The following COL22A1 variants were observed in gnomAD, a reference collection of about 807,000 sequenced individuals.
The protein encoded by COL22A1 is collagen type XXII alpha 1 chain.
A neutral mutation model predicts 248.9 loss-of-function variants in COL22A1; 221 were observed. That is an observed-to-expected ratio of 0.89 (90% confidence interval 0.80 to 0.99). The LOEUF is 0.99. Among genes scored for constraint, COL22A1 ranks in the 50% least tolerant of loss-of-function variants. The pLI is 0.00. For missense variants in COL22A1, 2,240 were observed against 2,179.0 expected, an observed-to-expected ratio of 1.03 and a Z score of -0.56; for synonymous variants, 891 against 793.4, an observed-to-expected ratio of 1.12 and a Z score of -2.07.
intron 41 of COL22A1, 100 bp downstream of exon 41, chr8:138,676,458 G>GAAGA (rs796948272): frequency 2.6e-5 from 4 of 155,662 alleles, no homozygotes; most frequent in African/African-American, 1.8e-4. Context: ...AGAAAGAAAG[G>GAAGA]AAGAAAGAAA....
In COL22A1 at chr8:138,851,958, T is replaced by C. The variant is rs371855642; in HGVS notation, c.659-7800A>G. On this transcript the variant is annotated intron_variant, in intron 3 of 64. Coordinates refer to ENST00000303045, the MANE Select transcript of COL22A1 (RefSeq NM_152888.3). ...TAGTAGGGAAGCTCTAAGGCAGGGA[T>C]GGAAGAGAGGACAGCATAGCAGGTG... is the stretch of plus-strand genomic sequence containing the variant. 3.3e-5 allele frequency among the ~76,000 whole-genome samples: 5 copies of C among 152,012 alleles called. No individual in the cohort carries two copies. In the South Asian group the frequency reaches 8.4e-4, roughly 25 times the overall value.
chr8:138,670,960 CAAAAAA>C (rs60845059), intron 41 of COL22A1, among the ~76,000 whole-genome samples: 3 of 55,378 alleles, frequency 5.4e-5, no homozygotes, highest in Admixed American at 2.8e-4. Flanking sequence ...GACCTTGTCT[CAAAAAA>C]AAAAAAAAAA....
At chr8:138,809,940 G>A (rs1818064330) in intron 9 of COL22A1, among the ~76,000 whole-genome samples, 1 of 152,056 alleles carries the variant, frequency 6.6e-6, no homozygotes, top group Non-Finnish European at 1.5e-5. Context: ...ATACAGACAT[G>A]GAAAGATCCA....
chr8:138,642,401 G>A (rs546656483), intron 47 of COL22A1, among the ~76,000 whole-genome samples: 12 of 152,264 alleles, frequency 7.9e-5, no homozygotes, highest in African/African-American at 2.6e-4. Context: ...TCTGCCCAAC[G>A]CAACTGCCTG....
At chr8:138,668,359 G>A (rs868354436) in intron 41 of COL22A1, among the ~76,000 whole-genome samples, 1 of 151,934 alleles carries the variant, frequency 6.6e-6, no homozygotes, top group Non-Finnish European at 1.5e-5. Context: ...CCTACTTTTA[G>A]TATATTTGAA....
intron 18 of COL22A1, 128 bp downstream of exon 18, chr8:138,760,115 C>T (rs1012553593): frequency 3.4e-6 from 2 of 590,746 alleles, no homozygotes; most frequent in Admixed American, 4.2e-5. Flanking sequence ...AGCCACCACC[C>T]TTTGTGTGTG....
chr8:138,775,063 G>T (rs1299413068), intron 16 of COL22A1, among the ~76,000 whole-genome samples: 5 of 152,198 alleles, frequency 3.3e-5, no homozygotes, highest in Non-Finnish European at 7.3e-5. Context: ...AATTAAGGTT[G>T]AAGAACAAGT....
intron 11 of COL22A1, among the ~76,000 whole-genome samples, chr8:138,799,437 G>A (rs1326243937): frequency 1.3e-5 from 2 of 152,070 alleles, no homozygotes; most frequent in Non-Finnish European, 2.9e-5. Context: ...TAGCAATCCT[G>A]GATATTGACA....
chr8:138,888,268 T>C (rs1824812355), intron 1 of COL22A1, among the ~76,000 whole-genome samples: 1 of 152,026 alleles, frequency 6.6e-6, no homozygotes, highest in South Asian at 2.1e-4. Flanking sequence ...TGAGTGCTGG[T>C]AGAAGGAAGC....
chr8:138,813,020 C>T lies in COL22A1; in HGVS notation c.1246-1G>A, dbSNP rs1194042996. The T allele has an allele frequency of 6.2e-7, 1 of 1,613,340 alleles. No homozygotes were observed. Among genetic ancestry groups the T allele is most frequent in the Non-Finnish European group, 8.5e-7 (1 of 1,179,392 alleles). ...AGATCACAATCCGCTGTAGGTCAAA[C>T]TGGAAAGGAAAGCAAGGAGAGAGGA... On this transcript the variant is annotated splice_acceptor_variant, in intron 7 of 64. Transcript: ENST00000303045. LOFTEE classifies it high-confidence loss of function.
intron 2 of COL22A1, among the ~76,000 whole-genome samples, chr8:138,882,210 A>G (rs1824262361): frequency 6.6e-6 from 1 of 152,054 alleles, no homozygotes; most frequent in Non-Finnish European, 1.5e-5. Flanking sequence ...GACGTGTTAA[A>G]GCAACTCATT....
chr8:138,654,589 C>T (rs1280692406), intron 45 of COL22A1, among the ~76,000 whole-genome samples: 1 of 152,052 alleles, frequency 6.6e-6, no homozygotes, highest in African/African-American at 2.4e-5. Flanking sequence ...GACCCTTCAC[C>T]CAGAGTTACG....
At chr8:138,863,502 T>C (rs1464594088) in intron 3 of COL22A1, among the ~76,000 whole-genome samples, 1 of 152,166 alleles carries the variant, frequency 6.6e-6, no homozygotes, top group Non-Finnish European at 1.5e-5. Context: ...TAGGGGTACA[T>C]GGATCATAGT....
rs1244970050 is a variant in COL22A1, at chr8:138,616,910, T to C, written c.3870+4A>G. On this transcript the variant is annotated splice_donor_region_variant and intron_variant, in intron 54 of 64. Coordinates refer to ENST00000303045, the MANE Select transcript of COL22A1 (RefSeq NM_152888.3). ...GGGACCTCCAAAGTGAGGCGCCCAC[T>C]TACCCGGGGACCGGGTGCACCAGAA... is the stretch of plus-strand genomic sequence containing the variant. 1 of 1,614,118 alleles carries C rather than the reference T, an allele frequency of 6.2e-7. No homozygotes were observed. Among genetic ancestry groups the C allele is most frequent in the Non-Finnish European group, 8.5e-7 (1 of 1,180,026 alleles).
intron 16 of COL22A1, among the ~76,000 whole-genome samples, chr8:138,767,125 T>C (rs1034445954): frequency 2.6e-5 from 4 of 152,212 alleles, no homozygotes; most frequent in Non-Finnish European, 4.4e-5. Context: ...ATAATATTAA[T>C]ACTTACCCAG....
chr8:138,644,472 C>A (rs151319854), intron 47 of COL22A1, among the ~76,000 whole-genome samples: 1 of 151,558 alleles, frequency 6.6e-6, no homozygotes, highest in African/African-American at 2.4e-5. Context: ...CTAGGCCCCC[C>A]AACCAACTGT....
intron 21 of COL22A1, among the ~76,000 whole-genome samples, chr8:138,754,290 C>T (rs1832827053): frequency 6.6e-6 from 1 of 151,924 alleles, no homozygotes. Context: ...CTCTGGAAAC[C>T]GAACCTGGAG....
intron 27 of COL22A1, 49 bp from the exon 28 acceptor site, chr8:138,716,918 A>G: frequency 1.4e-6 from 2 of 1,381,996 alleles, no homozygotes; most frequent in Non-Finnish European, 2.1e-6. Context: ...CACTTTAAAG[A>G]GATGACTGCC....
At chr8:138,831,478 G>A (rs116755537) in intron 5 of COL22A1, among the ~76,000 whole-genome samples, 361 of 152,292 alleles carry the variant, frequency 2.4e-3, no homozygotes, top group African/African-American at 8.2e-3. Context: ...AACACATTCT[G>A]TACAGAAGTA....
Sources: allele counts gnomAD v4.1 joint callset (sites outside exome capture counted in the v4.1 genomes callset), GRCh38; gene constraint gnomAD v4.1.1; transcripts MANE v1.5; gene names NCBI Gene and HGNC (gene_info 2026-07-23, HGNC 2026-07-21).